Variants in ASPH observed in about 807,000 individuals in gnomAD.
ASPH encodes the protein aspartyl/asparaginyl beta-hydroxylase.
A neutral mutation model predicts 118.4 loss-of-function variants in ASPH; 100 were observed. The ratio of observed to expected loss-of-function variants is 0.84; its 90% CI spans 0.72 to 1.00. The LOEUF (loss-of-function observed/expected upper bound fraction) is 1.00, where lower values mean the gene tolerates loss of function less well. Ranked by LOEUF, ASPH falls within the 50% of genes least tolerant of loss-of-function variation. The pLI, the probability that ASPH is intolerant of heterozygous loss-of-function variation, is 0.00. For missense variants in ASPH, 920 were observed against 919.5 expected (o/e 1.00, Z -0.01); for synonymous variants, 315 against 325.6 (o/e 0.97, Z 0.35).
chr8:61,536,131 G>A (rs373653616), intron 21 of ASPH, among the ~76,000 whole-genome samples: 4 of 147,094 alleles, frequency 2.7e-5, no homozygotes, highest in Admixed American at 7.1e-5. Context: ...CCTCTGCCTC[G>A]CAGGTTCAAG....
intron 22 of ASPH, among the ~76,000 whole-genome samples, chr8:61,524,881 C>G (rs1484649802): frequency 6.6e-6 from 1 of 151,892 alleles, no homozygotes; most frequent in African/African-American, 2.4e-5. Flanking sequence ...AATCAAAGTA[C>G]AAGGTGAACA....
At chr8:61,518,581 T>A (rs573008093) in intron 22 of ASPH, among the ~76,000 whole-genome samples, 2 of 152,222 alleles carry the variant, frequency 1.3e-5, no homozygotes, top group African/African-American at 4.8e-5. Flanking sequence ...ATGTATTCTA[T>A]ACTATAGTCT....
chr8:61,542,691 CT>C (rs892806535), intron 21 of ASPH, among the ~76,000 whole-genome samples: 7 of 151,604 alleles, frequency 4.6e-5, no homozygotes, highest in East Asian at 1.9e-4. Flanking sequence ...TAGTGATGCT[CT>C]TTTTTTTTCT....
chr8:61,613,359 C>G (rs1022127195), intron 14 of ASPH, among the ~76,000 whole-genome samples: 1 of 152,188 alleles, frequency 6.6e-6, no homozygotes, highest in Non-Finnish European at 1.5e-5. Flanking sequence ...TGGCCAGCCT[C>G]TACAATCACG....
chr8:61,627,039 C>T (rs756782433), intron 13 of ASPH, among the ~76,000 whole-genome samples: 53 of 152,108 alleles, frequency 3.5e-4, no homozygotes, highest in Non-Finnish European at 6.8e-4. Context: ...TATCTATCTA[C>T]ACATGTGCAA....
At position 61,518,027 on chromosome 8, in the gene ASPH, G is replaced by A. The variant is rs1310951720; in HGVS notation, c.1992+5C>T. ...GTATTCTCCCCAGCACGACACTCTT[G>A]GTACCTGTCCTCTTCTGCATCCTGT... On this transcript the variant is annotated splice_donor_5th_base_variant and intron_variant, in intron 23 of 24. Transcript: ENST00000379454. The A allele has an allele frequency of 6.2e-7, 1 of 1,608,748 alleles. No individual in the cohort carries two copies.
chr8:61,662,098 AG>A (rs1285633190), intron 3 of ASPH, among the ~76,000 whole-genome samples: 1 of 152,168 alleles, frequency 6.6e-6, no homozygotes, highest in African/African-American at 2.4e-5. Context: ...GTGCTTCAAA[AG>A]GAAGTATCTA....
At chr8:61,530,632 T>C (rs1431979548) in intron 21 of ASPH, among the ~76,000 whole-genome samples, 2 of 152,204 alleles carry the variant, frequency 1.3e-5, no homozygotes, top group Non-Finnish European at 2.9e-5. Context: ...CTGCAGAAAG[T>C]CTTTCTTTTG....
chr8:61,538,228 G>A (rs1313497261), intron 21 of ASPH, among the ~76,000 whole-genome samples: 1 of 152,170 alleles, frequency 6.6e-6, no homozygotes, highest in African/African-American at 2.4e-5. Flanking sequence ...TCTAATTATG[G>A]AGCCCTTTTA....
intron 13 of ASPH, chr8:61,632,818 G>C (rs541472773): frequency 1.5e-4 from 30 of 202,176 alleles, no homozygotes; most frequent in Non-Finnish European, 2.4e-4. Flanking sequence ...AATTTTGGCA[G>C]GCACAATTAG....
intron 18 of ASPH, among the ~76,000 whole-genome samples, chr8:61,557,409 G>A (rs1377999369): frequency 6.6e-6 from 1 of 152,104 alleles, no homozygotes; most frequent in Non-Finnish European, 1.5e-5. Context: ...CCCTGCCTCA[G>A]GGTCTTTGCA....
intron 21 of ASPH, among the ~76,000 whole-genome samples, chr8:61,544,183 T>A (rs1420797078): frequency 6.6e-6 from 1 of 152,206 alleles, no homozygotes; most frequent in Non-Finnish European, 1.5e-5. Flanking sequence ...TTGGGAGCAG[T>A]TAAAATTACC....
At chr8:61,535,837 C>T (rs1253154899) in intron 21 of ASPH, among the ~76,000 whole-genome samples, 2 of 152,126 alleles carry the variant, frequency 1.3e-5, no homozygotes, top group African/African-American at 4.8e-5. Flanking sequence ...GGGGATCCCC[C>T]TGGGTGCTGA....
chr8:61,624,167 G>A (rs1222357406), intron 13 of ASPH: 2 of 880,870 alleles, frequency 2.3e-6, no homozygotes, highest in Non-Finnish European at 2.7e-6. Flanking sequence ...TTCTATATCT[G>A]TATCGAAATA....
intron 3 of ASPH, among the ~76,000 whole-genome samples, chr8:61,654,644 G>A (rs1812726091): frequency 6.6e-6 from 1 of 152,070 alleles, no homozygotes; most frequent in Non-Finnish European, 1.5e-5. Context: ...GTCTCTTCAT[G>A]TTTCTTTTAT....
At position 61,714,576 on chromosome 8, in the gene ASPH, T is replaced by G. The variant is rs920188992; in HGVS notation, c.-205A>C. On this transcript the variant is annotated 5_prime_UTR_variant, in exon 1 of 25. Coordinates refer to ENST00000379454, the MANE Select transcript of ASPH (RefSeq NM_004318.4). ...CCGGCTGCGCGCGCCCGGCCTCGCGTGTACGAACCTGTGACTCCCTCCCGG... is the reference window on the plus strand; with the variant it reads ...CCGGCTGCGCGCGCCCGGCCTCGCGGGTACGAACCTGTGACTCCCTCCCGG... The G allele has an allele frequency of 4.3e-6, 3 of 697,842 alleles. No homozygotes were observed. Among genetic ancestry groups the G allele is most frequent in the Non-Finnish European group, 6.1e-6 (3 of 493,314 alleles). 43.2% of individuals were successfully genotyped at this position (697,842 alleles called of 1,614,324 possible). A position where few individuals can be genotyped will look rare whatever the true frequency, so the allele number is the denominator to read the frequency against.
At chr8:61,647,788 G>T (rs910933172) in intron 5 of ASPH, among the ~76,000 whole-genome samples, 1 of 152,210 alleles carries the variant, frequency 6.6e-6, no homozygotes, top group East Asian at 1.9e-4. Flanking sequence ...TAGGCTTCAA[G>T]TTATGCAAAG....
chr8:61,596,816 T>A (rs1359466922), intron 14 of ASPH, among the ~76,000 whole-genome samples: 2 of 151,966 alleles, frequency 1.3e-5, no homozygotes, highest in African/African-American at 2.4e-5. Flanking sequence ...ATATCAAAGG[T>A]AAGGACAAAT....
chr8:61,520,900 T>C (rs1210605038), intron 22 of ASPH, among the ~76,000 whole-genome samples: 1 of 152,244 alleles, frequency 6.6e-6, no homozygotes, highest in Non-Finnish European at 1.5e-5. Context: ...GTTGTGTCCC[T>C]GAGATTTTCA....
Sources: gnomAD v4.1 joint callset for allele counts (sites outside exome capture counted in the v4.1 genomes callset) on GRCh38, gnomAD v4.1.1 for gene constraint, MANE v1.5 for transcripts, NCBI Gene and HGNC (gene_info 2026-07-23, HGNC 2026-07-21) for gene names.